The following ACAT2 variants were observed in gnomAD, a reference collection of about 807,000 sequenced individuals.
ACAT2 encodes acetyl-CoA acetyltransferase 2.
In ACAT2, 26 loss-of-function variants were observed where a neutral mutation model predicts 37.1. That is an observed-to-expected ratio of 0.70 (90% CI 0.51 to 0.97). ACAT2 has a LOEUF of 0.97. ACAT2 is among the 50% of genes least tolerant of loss of function. ACAT2 has a pLI of 0.00. For synonymous variants in ACAT2, 156 were observed against 163.6 expected, an observed-to-expected ratio of 0.95 and a Z score of 0.35; for missense variants, 468 against 489.0, an observed-to-expected ratio of 0.96 and a Z score of 0.40.
intron 2 of ACAT2, among the ~76,000 whole-genome samples, chr6:159,763,725 C>T (rs1253041224): frequency 5.1e-5 from 7 of 136,728 alleles, no homozygotes; most frequent in Non-Finnish European, 9.2e-5. Context: ...CTGCAAGCTC[C>T]GTCTCCCGGT....
At chr6:159,762,729 G>A (rs1780171528) in intron 1 of ACAT2, 190 bp from the exon 2 acceptor site, 6 of 1,544,246 alleles carry the variant, frequency 3.9e-6, no homozygotes, top group South Asian at 2.3e-5. Flanking sequence ...TCCAGCCCTC[G>A]GCTGCTGCGA....
chr6:159,778,992 CAAGG>C lies in ACAT2; in HGVS notation c.*164_*167del. On this transcript the variant is annotated 3_prime_UTR_variant, in exon 9 of 9. Coordinates refer to ENST00000367048, the MANE Select transcript of ACAT2 (RefSeq NM_005891.3). Reference sequence around the variant, plus strand: ...TTACTTTAATGTGTAATACTCAACTCAAGGTACAAGACAATTGCATTTAACATTG... The same window carrying C: ...TTACTTTAATGTGTAATACTCAACTCTACAAGACAATTGCATTTAACATTG... 1 of 1,580,366 alleles carries C rather than the reference CAAGG, an allele frequency of 6.3e-7. No homozygotes were observed. The highest frequency in any genetic ancestry group is 8.6e-7 in the Non-Finnish European group (1 of 1,156,810).
At position 159,762,617 on chromosome 6, in the gene ACAT2, G is replaced by C. The variant is rs528164064; in HGVS notation, c.56-302G>C. On this transcript the variant is annotated intron_variant, in intron 1 of 8. Coordinates refer to ENST00000367048, the MANE Select transcript of ACAT2 (RefSeq NM_005891.3). ...TGGTTTTCAACGCCCTTGACCCGCC[G>C]GTTCCTTTTGTTTGGGAAGCATGGG... 311 of 1,410,368 alleles carry C rather than the reference G, an allele frequency of 2.2e-4. 3 individuals are homozygous for C. In the South Asian group the frequency reaches 3.4e-3, roughly 15 times the overall value. The allele number at this position is 1,410,368 out of a possible 1,614,324, so 87.4% of individuals were successfully genotyped here.
chr6:159,778,423 TTAAAAA>T (rs1188148559), intron 8 of ACAT2, 143 bp downstream of exon 8: 60 of 84,062 alleles, frequency 7.1e-4, no homozygotes, highest in African/African-American at 1.3e-3. Flanking sequence ...TTCCCAAGGT[TTAAAAA>T]AAAAAAAAAA....
intron 7 of ACAT2, among the ~76,000 whole-genome samples, 166 bp from the exon 8 acceptor site, chr6:159,778,004 T>C (rs932283241): frequency 2.0e-5 from 3 of 152,258 alleles, no homozygotes; most frequent in African/African-American, 7.2e-5. Context: ...ATGGAATGGA[T>C]GTCACTAAGG....
At chr6:159,762,325 C>G in intron 1 of ACAT2, 183 bp downstream of exon 1, 1 of 1,210,962 alleles carries the variant, frequency 8.3e-7, no homozygotes. Context: ...TGCTACAGCC[C>G]CACCCTCTCC....
In ACAT2 at chr6:159,779,028, A is replaced by C; in HGVS notation, c.*199A>C. 6.2e-7 allele frequency: 1 copy of C among 1,607,214 alleles called. No individual in the cohort carries two copies. ...ACAATTGCATTTAACATTGTTATAA[A>C]TAAAAGGAACATCAGATCAATCATT... On this transcript the variant is annotated 3_prime_UTR_variant, in exon 9 of 9. Transcript: ENST00000367048.
At chr6:159,767,308 A>C in intron 3 of ACAT2, 122 bp downstream of exon 3, 1 of 1,037,530 alleles carries the variant, frequency 9.6e-7, no homozygotes, top group South Asian at 1.6e-5. Flanking sequence ...AATAAACAGA[A>C]ATGACAACCT....
intron 2 of ACAT2, among the ~76,000 whole-genome samples, chr6:159,764,511 G>A (rs1039055820): frequency 3.9e-5 from 6 of 151,914 alleles, no homozygotes; most frequent in Non-Finnish European, 7.4e-5. Context: ...GTAATCAATC[G>A]TAGCCCACTA....
intron 2 of ACAT2, among the ~76,000 whole-genome samples, chr6:159,764,368 T>C (rs1780220064): frequency 1.3e-5 from 2 of 152,136 alleles, no homozygotes; most frequent in African/African-American, 4.8e-5. Flanking sequence ...CAGAGGAATA[T>C]AGCTGAGTCC....
At chr6:159,777,478 T>C in intron 7 of ACAT2, 22 bp downstream of exon 7, 1 of 1,597,788 alleles carries the variant, frequency 6.3e-7, no homozygotes, top group Non-Finnish European at 8.5e-7. Flanking sequence ...CCTATTCCCT[T>C]TTATGAAATT....
chr6:159,773,726 A>C (rs1457575330), intron 4 of ACAT2, among the ~76,000 whole-genome samples: 1 of 152,250 alleles, frequency 6.6e-6, no homozygotes, highest in Non-Finnish European at 1.5e-5. Flanking sequence ...AGTATTGAAA[A>C]ATTTCAGCAT....
chr6:159,772,085 T>G (rs1178040938), intron 4 of ACAT2, among the ~76,000 whole-genome samples: 1 of 152,000 alleles, frequency 6.6e-6, no homozygotes, highest in Non-Finnish European at 1.5e-5. Context: ...ATTAGCCAGG[T>G]GTTGCAGCAG....
intron 3 of ACAT2, 90 bp from the exon 4 acceptor site, chr6:159,768,421 C>G: frequency 1.0e-6 from 1 of 983,730 alleles, no homozygotes; most frequent in South Asian, 1.4e-5. Flanking sequence ...TAGATGAAGA[C>G]TTAGGAAATA....
At position 159,767,160 on chromosome 6, in the gene ACAT2, G is replaced by A. The variant is rs1780268967; in HGVS notation, c.346G>A (p.Ala116Thr). The change falls in exon 3 of 9, where the codon GCA becomes ACA. Residue 116 changes from alanine to threonine, a missense_variant. Ala to Thr is a moderately conservative substitution (Grantham distance 58). Coordinates refer to ENST00000367048, the MANE Select transcript of ACAT2 (RefSeq NM_005891.3). Reference sequence around the variant, plus strand: ...GATAGGAGACTCCAGCATTGTGGTTGCAGGAGGCATGGAAAATATGAGCAA... The same window carrying A: ...GATAGGAGACTCCAGCATTGTGGTTACAGGAGGCATGGAAAATATGAGCAA... Reference protein sequence around the residue: ...IGIGDSSIVVAGGMENMSKAP... With the variant: ...IGIGDSSIVVTGGMENMSKAP... 3 of 1,614,218 alleles carry A rather than the reference G, an allele frequency of 1.9e-6. No homozygotes were observed. The highest frequency in any genetic ancestry group is 2.5e-6 in the Non-Finnish European group (3 of 1,180,040).
chr6:159,777,226 C>A, intron 6 of ACAT2, 76 bp from the exon 7 acceptor site: 1 of 1,476,720 alleles, frequency 6.8e-7, no homozygotes, highest in Non-Finnish European at 9.2e-7. Context: ...CTCATGTCTT[C>A]AGGTGGTAAA....
intron 4 of ACAT2, among the ~76,000 whole-genome samples, chr6:159,772,429 T>C (rs1034851412): frequency 6.6e-6 from 1 of 152,200 alleles, no homozygotes; most frequent in African/African-American, 2.4e-5. Context: ...CCCAGACTTA[T>C]GCTTGTTTTC....
At position 159,762,119 on chromosome 6, in the gene ACAT2, T is replaced by C. The variant is rs1196228813; in HGVS notation, c.32T>C (p.Val11Ala). 9 of 1,612,630 alleles carry C rather than the reference T, an allele frequency of 5.6e-6. No homozygotes were observed. The highest frequency in any genetic ancestry group is 7.6e-6 in the Non-Finnish European group (9 of 1,179,480). Residue 11 changes from valine to alanine, a missense_variant, in exon 1 of 9, where the codon GTC becomes GCC. Physicochemically the swap from Val to Ala is moderately conservative, Grantham distance 64. Coordinates refer to ENST00000367048, the MANE Select transcript of ACAT2 (RefSeq NM_005891.3). ...GCAGGCTCAGATCCTGTGGTCATCGTCTCGGCGGCGCGGACCATCATAGGT... is the reference window on the plus strand; with the variant it reads ...GCAGGCTCAGATCCTGTGGTCATCGCCTCGGCGGCGCGGACCATCATAGGT... MNAGSDPVVI[V>A]SAARTIIGSF...
rs750940659 is a variant in ACAT2 at position 159,763,071 on chromosome 6, CAGG to C, written c.190+21_190+23del. The C allele has an allele frequency of 3.1e-6, 5 of 1,600,640 alleles. No individual in the cohort carries two copies. Among genetic ancestry groups the C allele is most frequent in the Non-Finnish European group, 4.3e-6 (5 of 1,173,888 alleles). On this transcript the variant is annotated intron_variant, in intron 2 of 8. Coordinates refer to ENST00000367048, the MANE Select transcript of ACAT2 (RefSeq NM_005891.3). ...GGCAGCAGGTAAGTCTCAGTGATTC[CAGG>C]AGAAGTCAGGCTTATTAGAAACAGC...
Sources: gnomAD v4.1 joint callset for allele counts (sites outside exome capture counted in the v4.1 genomes callset) on GRCh38, gnomAD v4.1.1 for gene constraint, MANE v1.5 for transcripts, NCBI Gene and HGNC (gene_info 2026-07-23, HGNC 2026-07-21) for gene names.